CNTLN: variants seen among roughly 807,000 people sequenced by gnomAD.
CNTLN encodes centlein, also known as centlein, centrosomal protein.
A neutral mutation model predicts 180.0 loss-of-function variants in CNTLN; 212 were observed. The observed-to-expected ratio is 1.18, with a 90% CI of 1.05 to 1.32. CNTLN has a LOEUF of 1.32. Among genes scored for constraint, CNTLN ranks in the 40% most tolerant of loss-of-function variants. The pLI is 0.00. For synonymous variants in CNTLN, 722 were observed against 563.1 expected (o/e 1.28, Z -3.99); for missense variants, 2,095 against 1,610.9 (o/e 1.30, Z -5.14).
At chr9:17,135,453 T>C (rs1817642705) in intron 1 of CNTLN, 28 bp downstream of exon 1, 1 of 1,573,260 alleles carries the variant, frequency 6.4e-7, no homozygotes, top group Non-Finnish European at 8.6e-7. Context: ...AGTCCCCCTT[T>C]CCCCACCACA....
chr9:17,510,660 C>T, the CNTLN span, among the ~76,000 whole-genome samples: 3 of 152,206 alleles, frequency 2.0e-5, no homozygotes, highest in African/African-American at 7.2e-5. Context: ...AACATTGGCT[C>T]TTTCTGGGTC....
At chr9:17,362,923 G>A (rs1295163366) in intron 12 of CNTLN, among the ~76,000 whole-genome samples, 2 of 151,970 alleles carry the variant, frequency 1.3e-5, no homozygotes, top group Non-Finnish European at 2.9e-5. Context: ...AGTGTGTGAT[G>A]TTTCCCTCTC....
chr9:17,495,957 A>G (rs1833431463), intron 25 of CNTLN, among the ~76,000 whole-genome samples: 2 of 152,236 alleles, frequency 1.3e-5, no homozygotes, highest in South Asian at 4.1e-4. Context: ...GCAATAGGCC[A>G]TAGCATATTG....
chr9:17,459,401 A>G (rs964240593), intron 19 of CNTLN, among the ~76,000 whole-genome samples: 7 of 151,736 alleles, frequency 4.6e-5, no homozygotes, highest in African/African-American at 1.7e-4. Flanking sequence ...GTGATTGTCC[A>G]TAATCTAACA....
At chr9:17,312,384 A>ATATATAT (rs1563985021) in intron 8 of CNTLN, among the ~76,000 whole-genome samples, 1 of 108,078 alleles carries the variant, frequency 9.3e-6, no homozygotes, top group Non-Finnish European at 1.9e-5. Context: ...ATATATATAT[A>ATATATAT]ATTTATTTAT....
chr9:17,181,709 T>A (rs977549371), intron 2 of CNTLN, among the ~76,000 whole-genome samples: 1 of 152,222 alleles, frequency 6.6e-6, no homozygotes, highest in Admixed American at 6.5e-5. Flanking sequence ...CCCCTCCTAT[T>A]TACTGCCGGA....
At chr9:17,327,286 G>T (rs576480709) in intron 8 of CNTLN, among the ~76,000 whole-genome samples, 1 of 78,498 alleles carries the variant, frequency 1.3e-5, no homozygotes, top group East Asian at 3.6e-4. Flanking sequence ...ATCTTGGGTC[G>T]CTGCAAACTC....
Position 17,489,938 on chromosome 9 carries a change from C to T in CNTLN, c.4119+2872C>T, listed in dbSNP as rs562064168. On this transcript the variant is annotated intron_variant, in intron 25 of 25. Transcript: ENST00000380647. Reference sequence around the variant, plus strand: ...CATAGCTGCCTTTAATTTCTTTGAACATTTTTAATCTGTATAAATCTCTCT... The same window carrying T: ...CATAGCTGCCTTTAATTTCTTTGAATATTTTTAATCTGTATAAATCTCTCT... 3.2e-3 allele frequency among the ~76,000 whole-genome samples: 485 copies of T among 152,230 alleles called. 4 individuals carry two copies. The highest frequency in any genetic ancestry group is 0.011 in the African/African-American group (461 of 41,542).
chr9:17,180,288 T>A (rs2131722341), intron 2 of CNTLN, among the ~76,000 whole-genome samples: 1 of 148,454 alleles, frequency 6.7e-6, no homozygotes, highest in African/African-American at 2.4e-5. Flanking sequence ...TTCATTTTGA[T>A]TTATCTGTAT....
intron 12 of CNTLN, among the ~76,000 whole-genome samples, chr9:17,349,844 T>C (rs1431702529): frequency 6.6e-6 from 1 of 152,188 alleles, no homozygotes; most frequent in African/African-American, 2.4e-5. Flanking sequence ...TTTAACAATA[T>C]AATTCAGAGC....
chr9:17,162,154 A>T (rs1002475960), intron 2 of CNTLN, among the ~76,000 whole-genome samples: 1 of 151,380 alleles, frequency 6.6e-6, no homozygotes, highest in African/African-American at 2.4e-5. Context: ...TCGCTCTGTC[A>T]CTGAGGCTGG....
intron 25 of CNTLN, chr9:17,494,805 T>C: frequency 2.7e-6 from 1 of 368,992 alleles, no homozygotes; most frequent in East Asian, 7.9e-5. Context: ...CGTATACAAT[T>C]ATGTACTGCA....
intron 1 of CNTLN, among the ~76,000 whole-genome samples, chr9:17,142,780 G>C (rs1335994569): frequency 2.0e-5 from 3 of 152,132 alleles, no homozygotes; most frequent in Admixed American, 6.5e-5. Context: ...ATACCTGTCA[G>C]CCAAGGTTAA....
At chr9:17,254,160 C>A (rs1301911885) in intron 5 of CNTLN, among the ~76,000 whole-genome samples, 1 of 151,566 alleles carries the variant, frequency 6.6e-6, no homozygotes, top group East Asian at 1.9e-4. Context: ...TGTTGACCAT[C>A]TTTTCATATG....
At chr9:17,493,463 G>A (rs192228243) in intron 25 of CNTLN, among the ~76,000 whole-genome samples, 5 of 152,098 alleles carry the variant, frequency 3.3e-5, no homozygotes, top group South Asian at 2.1e-4. Flanking sequence ...CTCCTATACC[G>A]TGCTAAGGGA....
intron 5 of CNTLN, among the ~76,000 whole-genome samples, chr9:17,266,078 T>C (rs1201690339): frequency 1.3e-5 from 2 of 152,086 alleles, no homozygotes; most frequent in African/African-American, 2.4e-5. Context: ...TGCCTTCTGC[T>C]AGCTTTTGAA....
chr9:17,366,273 G>A (rs576145661), intron 12 of CNTLN, among the ~76,000 whole-genome samples: 28 of 150,024 alleles, frequency 1.9e-4, no homozygotes, highest in Non-Finnish European at 3.1e-4. Context: ...CTACAGGTGC[G>A]CGTAACCATG....
chr9:17,338,819 T>G (rs190809295), intron 10 of CNTLN, among the ~76,000 whole-genome samples: 27 of 152,320 alleles, frequency 1.8e-4, no homozygotes, highest in Admixed American at 4.6e-4. Context: ...CTGAGTTAAC[T>G]GAATTTAAGT....
intron 2 of CNTLN, among the ~76,000 whole-genome samples, chr9:17,189,802 G>C (rs1045274888): frequency 2.0e-5 from 3 of 151,954 alleles, no homozygotes; most frequent in African/African-American, 7.2e-5. Flanking sequence ...ATTAAGATAT[G>C]ATCGTTCTGG....
Sources: gnomAD v4.1 joint callset for allele counts (sites outside exome capture counted in the v4.1 genomes callset) on GRCh38, gnomAD v4.1.1 for gene constraint, MANE v1.5 for transcripts, NCBI Gene and HGNC (gene_info 2026-07-23, HGNC 2026-07-21) for gene names.